Variants in ABCA1 observed in about 807,000 individuals in gnomAD.
ABCA1 encodes phospholipid-transporting ATPase ABCA1.
A neutral mutation model predicts 262.5 loss-of-function variants in ABCA1; 133 were observed. The observed-to-expected ratio is 0.51, with a 90% confidence interval of 0.44 to 0.59. The LOEUF (loss-of-function observed/expected upper bound fraction) is 0.59. ABCA1 is among the 20% of genes least tolerant of loss of function. The pLI is 0.00. For synonymous variants in ABCA1, 1,022 were observed against 1,043.5 expected, an observed-to-expected ratio of 0.98 and a Z score of 0.40; for missense variants, 2,452 against 2,777.5, an observed-to-expected ratio of 0.88 and a Z score of 2.63.
At chr9:104,857,465 C>T (rs57450049) in intron 7 of ABCA1, among the ~76,000 whole-genome samples, 9,954 of 152,180 alleles carry the variant, frequency 0.065, 1,173 homozygotes, top group African/African-American at 0.23. Flanking sequence ...CTGCTGACCT[C>T]ACGTGATCTG....
chr9:104,893,729 T>C (rs940078793), intron 2 of ABCA1, among the ~76,000 whole-genome samples: 4 of 152,156 alleles, frequency 2.6e-5, no homozygotes, highest in Non-Finnish European at 5.9e-5. Flanking sequence ...ATCACAGAGA[T>C]AGTCAGTAGC....
rs1334629351 is a variant in ABCA1, at chr9:104,794,395, T to G, written c.5498A>C (p.Glu1833Ala). 1.2e-6 allele frequency: 2 copies of G among 1,613,852 alleles called. No individual in the cohort carries two copies. Among genetic ancestry groups the G allele is most frequent in the Non-Finnish European group, 1.7e-6 (2 of 1,179,976 alleles). The stretch of plus-strand genomic sequence containing the variant: ...GCCACTGCTTCACTCACCAAACCTT[T>G]CCAGGGCATCAGCCATTGCCTGGTT... ...VKNQAMADALERFGENRFVSP... is the reference protein window; with the variant it reads ...VKNQAMADALARFGENRFVSP... Residue 1833 changes from glutamate (E) to alanine (A), a missense_variant, in exon 40 of 50, where the codon GAA (glutamate) becomes GCA (alanine). This residue lies in a region of ABCA1 where 752 missense variants were observed against 944.5 expected (regional missense o/e 0.80). Coordinates refer to ENST00000374736, the MANE Select transcript of ABCA1 (RefSeq NM_005502.4).
At chr9:104,854,467 A>G (rs1269070327) in intron 7 of ABCA1, among the ~76,000 whole-genome samples, 2 of 152,176 alleles carry the variant, frequency 1.3e-5, no homozygotes, top group African/African-American at 4.8e-5. Flanking sequence ...ATAAAAAAAA[A>G]AAGTACAATC....
Position 104,814,164 on chromosome 9 carries a change from G to C in ABCA1, c.3855C>G (p.Phe1285Leu), listed in dbSNP as rs1831521893. The change falls in exon 27 of 50, where the codon TTC becomes TTG. Residue 1285 changes from phenylalanine (F) to leucine (L), a missense_variant. This residue lies in a region of ABCA1 where 665 missense variants were observed against 727.3 expected (regional missense o/e 0.91). Coordinates refer to ENST00000374736, the MANE Select transcript of ABCA1 (RefSeq NM_005502.4). Reference protein sequence around the residue: ...FGDKQSCLRPFTEDDAADPND... With the variant: ...FGDKQSCLRPLTEDDAADPND... ...TTGGATCAGCAGCATCATCTTCAGT[G>C]AACGGGCGAAGACAGCTCTGCTTGT... 2 of 1,614,192 alleles carry C rather than the reference G, an allele frequency of 1.2e-6. No homozygotes were observed. Among genetic ancestry groups the C allele is most frequent in the East Asian group, 4.5e-5 (2 of 44,870 alleles).
intron 34 of ABCA1, 108 bp from the exon 35 acceptor site, chr9:104,800,692 A>G: frequency 2.1e-6 from 2 of 942,062 alleles, no homozygotes; most frequent in Non-Finnish European, 3.5e-6. Flanking sequence ...GAGCAATGCC[A>G]CTACCTTGTT....
At position 104,803,288 on chromosome 9, in the gene ABCA1, A is replaced by T; in HGVS notation, c.4588T>A (p.Phe1530Ile). 6.2e-7 allele frequency: 1 copy of T among 1,614,106 alleles called. No individual in the cohort carries two copies. Among genetic ancestry groups the T allele is most frequent in the East Asian group, 2.2e-5 (1 of 44,872 alleles). The stretch of plus-strand genomic sequence containing the variant: ...GCCAGAAAGACAGCAACTTACCTAA[A>T]CTCATTCACCCAGATCTTGTTCTTT... The part of the protein sequence containing the change: ...SLKNKIWVNE[F>I]RYGGFSLGVS... The change falls in exon 33 of 50, where the codon TTT (phenylalanine) becomes ATT (isoleucine). Residue 1530 changes from phenylalanine (F) to isoleucine (I), a missense_variant. Transcript: ENST00000374736.
At chr9:104,886,145 G>A (rs1412331672) in intron 3 of ABCA1, among the ~76,000 whole-genome samples, 2 of 152,144 alleles carry the variant, frequency 1.3e-5, no homozygotes, top group African/African-American at 4.8e-5. Context: ...CAGGCACTGT[G>A]GGAGTGAATC....
chr9:104,853,886 T>C (rs1428380906), intron 7 of ABCA1, among the ~76,000 whole-genome samples: 2 of 152,176 alleles, frequency 1.3e-5, no homozygotes, highest in Admixed American at 1.3e-4. Context: ...GAATATCCCC[T>C]GCAAAGATGT....
In ABCA1 at chr9:104,784,522, A is replaced by G. The variant is rs146140162; in HGVS notation, c.6646-67T>C. The G allele has an allele frequency of 5.1e-5, 82 of 1,595,318 alleles. 1 individual carries two copies. The highest frequency in any genetic ancestry group is 4.9e-4 in the South Asian group (44 of 90,138). On this transcript the variant is annotated intron_variant, in intron 49 of 49. Transcript: ENST00000374736. ...CTTGCTCATTCTTTATTCTAGTTCT[A>G]TTTTTCCAGATGTTGAAATTAGGTC... is the stretch of plus-strand genomic sequence containing the variant.
intron 15 of ABCA1, among the ~76,000 whole-genome samples, chr9:104,827,906 T>C (rs560862828): frequency 6.6e-6 from 1 of 152,316 alleles, no homozygotes; most frequent in African/African-American, 2.4e-5. Context: ...AAGAAGCCCA[T>C]GTGATGTGTT....
At chr9:104,919,657 G>C (rs1564303355) in intron 1 of ABCA1, among the ~76,000 whole-genome samples, 1 of 152,124 alleles carries the variant, frequency 6.6e-6, no homozygotes, top group Middle Eastern at 3.4e-3. Flanking sequence ...CCGAGATGGA[G>C]AGTCCAATTT....
intron 1 of ABCA1, chr9:104,927,702 G>A (rs1367803148): frequency 1.3e-5 from 2 of 151,014 alleles, no homozygotes; most frequent in Non-Finnish European, 2.9e-5. Context: ...GATGCTCCCC[G>A]GTCTCCACCG....
intron 40 of ABCA1, 134 bp from the exon 41 acceptor site, chr9:104,793,434 G>GA (rs1257194182): frequency 4.8e-6 from 6 of 1,254,572 alleles, no homozygotes; most frequent in African/African-American, 1.5e-5. Context: ...CCATGACAAG[G>GA]AAAAAAGAGT....
At chr9:104,841,689 G>T (rs180767395) in intron 8 of ABCA1, among the ~76,000 whole-genome samples, 1 of 152,228 alleles carries the variant, frequency 6.6e-6, no homozygotes, top group East Asian at 1.9e-4. Flanking sequence ...AGTGTGTGGT[G>T]AGGCACAAAT....
Position 104,828,922 on chromosome 9 carries a change from G to C in ABCA1, c.2109C>G (p.Ile703Met), listed in dbSNP as rs763225461. ...GCGAGTGAGGCTGCCTTACCTTCAGGATGACCACTAGCAGGCCAGCGCTCA... is the reference window on the plus strand; with the variant it reads ...GCGAGTGAGGCTGCCTTACCTTCAGCATGACCACTAGCAGGCCAGCGCTCA... ...LLVSAGLLVV[I>M]LKLGNLLPYS... Residue 703 changes from isoleucine (I) to methionine (M), a missense_variant, in exon 15 of 50, where the codon ATC (isoleucine) becomes ATG (methionine). Ile to Met is a conservative substitution (Grantham distance 10). This residue lies in a region of ABCA1 where 1,032 missense variants were observed against 1,089.7 expected (regional missense o/e 0.95). Coordinates refer to ENST00000374736, the MANE Select transcript of ABCA1 (RefSeq NM_005502.4). 3.7e-6 allele frequency: 6 copies of C among 1,613,954 alleles called. No homozygotes were observed.
At chr9:104,842,745 C>A (rs1009798506) in intron 8 of ABCA1, among the ~76,000 whole-genome samples, 1 of 152,066 alleles carries the variant, frequency 6.6e-6, no homozygotes, top group African/African-American at 2.4e-5. Context: ...CTCCCTTTCC[C>A]CCATCCCAGT....
chr9:104,893,421 C>CAAAAAAAAAAAAAA (rs34544647), intron 2 of ABCA1, among the ~76,000 whole-genome samples: 10 of 35,252 alleles, frequency 2.8e-4, no homozygotes, highest in Admixed American at 7.7e-4. Context: ...GACTTCACCT[C>CAAAAAAAAAAAAAA]AAAAAAAAAA....
chr9:104,821,399 G>T lies in ABCA1; in HGVS notation c.2936C>A (p.Pro979His), dbSNP rs1262579392. The part of the protein sequence containing the change: ...STIRQNLGVC[P>H]QHNVLFDMLT... ...CATGTCAAACAGCACGTTATGCTGG[G>T]GACAGACCCCCAGGTTCTGCCGGAT... Residue 979 changes from proline (P) to histidine (H), a missense_variant, in exon 20 of 50, where the codon CCC becomes CAC. Transcript: ENST00000374736. 1 of 1,613,980 alleles carries T rather than the reference G, an allele frequency of 6.2e-7. No individual in the cohort carries two copies. The highest frequency in any genetic ancestry group is 8.5e-7 in the Non-Finnish European group (1 of 1,180,042).
chr9:104,894,783 A>G (rs779398863), intron 2 of ABCA1, among the ~76,000 whole-genome samples: 1 of 152,252 alleles, frequency 6.6e-6, no homozygotes, highest in Non-Finnish European at 1.5e-5. Context: ...GTATGAGTGA[A>G]TTAAAGAGAC....
Sources: allele counts gnomAD v4.1 joint callset (sites outside exome capture counted in the v4.1 genomes callset), GRCh38; gene constraint gnomAD v4.1.1; regional missense constraint gnomAD v4.1.1; transcripts MANE v1.5; gene names NCBI Gene and HGNC (gene_info 2026-07-23, HGNC 2026-07-21).